BFAR: variants seen among roughly 807,000 people sequenced by gnomAD.
The protein encoded by BFAR is bifunctional apoptosis regulator.
BFAR carries 52 observed loss-of-function variants against 54.4 expected under a neutral mutation model. That is an observed-to-expected ratio of 0.96 (90% CI 0.77 to 1.21). The LOEUF (loss-of-function observed/expected upper bound fraction) is 1.21. BFAR is among the 50% of genes most tolerant of loss of function. BFAR has a pLI of 0.00. For missense variants in BFAR, 571 were observed against 534.0 expected (o/e 1.07, Z -0.68); for synonymous variants, 215 against 204.3 (o/e 1.05, Z -0.45).
chr16:14,664,115 C>T (rs562695863), intron 6 of BFAR, among the ~76,000 whole-genome samples: 2 of 152,116 alleles, frequency 1.3e-5, no homozygotes, highest in African/African-American at 4.8e-5. Context: ...TGGTGGTATA[C>T]ACCTTTAATC....
chr16:14,636,950 G>C (rs898785266), intron 1 of BFAR, among the ~76,000 whole-genome samples: 1 of 152,190 alleles, frequency 6.6e-6, no homozygotes, highest in African/African-American at 2.4e-5. Context: ...GACACAGCAC[G>C]TGTTTCAGAG....
At chr16:14,641,544 C>T (rs1418824812) in intron 1 of BFAR, among the ~76,000 whole-genome samples, 3 of 137,584 alleles carry the variant, frequency 2.2e-5, no homozygotes, top group African/African-American at 7.7e-5. Flanking sequence ...GAGTGAGACT[C>T]CATCTCAAAA....
intron 1 of BFAR, among the ~76,000 whole-genome samples, chr16:14,640,501 A>G (rs1959588254): frequency 6.6e-6 from 1 of 151,922 alleles, no homozygotes; most frequent in Non-Finnish European, 1.5e-5. Context: ...CTAGATTTTT[A>G]TGTCATATCA....
chr16:14,646,355 T>C (rs974729665), intron 2 of BFAR, among the ~76,000 whole-genome samples: 1 of 148,512 alleles, frequency 6.7e-6, no homozygotes, highest in Non-Finnish European at 1.5e-5. Flanking sequence ...GCCTGGTGAA[T>C]GTTTGTATTT....
intron 1 of BFAR, among the ~76,000 whole-genome samples, chr16:14,641,518 T>A (rs1455234716): frequency 6.8e-6 from 1 of 147,692 alleles, no homozygotes; most frequent in Non-Finnish European, 1.5e-5. Flanking sequence ...GCCCCTGCAC[T>A]CCAGCCTGGG....
intron 7 of BFAR, among the ~76,000 whole-genome samples, chr16:14,666,485 C>T (rs1238670536): frequency 6.6e-6 from 1 of 151,932 alleles, no homozygotes; most frequent in Non-Finnish European, 1.5e-5. Flanking sequence ...GCAGGAGGAT[C>T]GCTTGAACTC....
Position 14,632,990 on chromosome 16 carries a change from G to A in BFAR, c.-102G>A, listed in dbSNP as rs1567480523. 1 of 153,072 alleles carries A rather than the reference G, an allele frequency of 6.5e-6. No homozygotes were observed. Among genetic ancestry groups the A allele is most frequent in the African/African-American group, 2.4e-5 (1 of 41,436 alleles). 9.5% of individuals were successfully genotyped at this position (153,072 alleles called of 1,614,324 possible). The stretch of plus-strand genomic sequence containing the variant: ...CCGCGGGGTCTGTGCTGAGAATAAT[G>A]GCCCGGTTGGCCCGGGACGAGTGGA... On this transcript the variant is annotated 5_prime_UTR_variant, in exon 1 of 8. An upstream start codon of the reference 5' UTR is lost. Transcript: ENST00000261658.
In BFAR at chr16:14,655,223, A is replaced by ATTTTTT; in HGVS notation, c.783+26_783+31dup. 3 of 1,174,692 alleles carry ATTTTTT rather than the reference A, an allele frequency of 2.6e-6. No homozygotes were observed. The highest frequency in any genetic ancestry group is 2.2e-6 in the Non-Finnish European group (2 of 912,836). The allele number at this position is 1,174,692 out of a possible 1,614,324, so 72.8% of individuals were successfully genotyped here. On this transcript the variant is annotated intron_variant, in intron 5 of 7. Transcript: ENST00000261658. ...CTGGGAATATAAGGTGAACACTTTA[A>ATTTTTT]TTTTTTTTTTTTTTTTTTACTTTTT...
chr16:14,657,410 G>A (rs889121150), intron 5 of BFAR, among the ~76,000 whole-genome samples: 4 of 151,652 alleles, frequency 2.6e-5, no homozygotes, highest in South Asian at 2.1e-4. Context: ...CACCGTGCCC[G>A]GCTAATTTTT....
chr16:14,643,133 C>A (rs554005419), intron 1 of BFAR, among the ~76,000 whole-genome samples: 5 of 151,994 alleles, frequency 3.3e-5, no homozygotes, highest in African/African-American at 7.2e-5. Flanking sequence ...GCCAACATGG[C>A]GAAAACCCGT....
chr16:14,644,668 CTTTTTT>C (rs376559546), intron 2 of BFAR, 59 bp downstream of exon 2: 8 of 1,331,330 alleles, frequency 6.0e-6, no homozygotes, highest in African/African-American at 1.6e-5. Context: ...TTCTCTCTTG[CTTTTTT>C]TTTTTTTTTT....
At chr16:14,664,601 G>A (rs1383566412) in intron 6 of BFAR, among the ~76,000 whole-genome samples, 1 of 152,044 alleles carries the variant, frequency 6.6e-6, no homozygotes, top group Non-Finnish European at 1.5e-5. Context: ...CCGGGTTCAA[G>A]TGATTCTCTT....
chr16:14,641,534 G>C (rs1158102783), intron 1 of BFAR, among the ~76,000 whole-genome samples: 1 of 145,134 alleles, frequency 6.9e-6, no homozygotes, highest in Non-Finnish European at 1.5e-5. Context: ...CTGGGCGACA[G>C]AGTGAGACTC....
chr16:14,666,383 C>T (rs531237176), intron 7 of BFAR, among the ~76,000 whole-genome samples: 2 of 152,208 alleles, frequency 1.3e-5, no homozygotes, highest in African/African-American at 4.8e-5. Context: ...CCAGCCTGGC[C>T]AACATAGTGA....
At chr16:14,662,128 A>T in intron 6 of BFAR, 63 bp downstream of exon 6, 1 of 1,575,010 alleles carries the variant, frequency 6.3e-7, no homozygotes, top group Non-Finnish European at 8.7e-7. Flanking sequence ...AGAGATTGCT[A>T]CCCACCATGG....
intron 3 of BFAR, among the ~76,000 whole-genome samples, chr16:14,649,101 A>T (rs569019541): frequency 1.4e-5 from 2 of 140,246 alleles, no homozygotes; most frequent in South Asian, 4.5e-4. Flanking sequence ...TTTGAGATGA[A>T]GTCTTGCCCT....
intron 1 of BFAR, among the ~76,000 whole-genome samples, chr16:14,640,382 G>A (rs1056269885): frequency 1.3e-5 from 2 of 152,190 alleles, no homozygotes; most frequent in African/African-American, 2.4e-5. Flanking sequence ...ACGCTGGCAC[G>A]GCTGCTGAGT....
chr16:14,649,367 C>T (rs1462848220), intron 3 of BFAR, among the ~76,000 whole-genome samples: 2 of 152,202 alleles, frequency 1.3e-5, no homozygotes, highest in Non-Finnish European at 2.9e-5. Context: ...TGAGCCACCA[C>T]GCCTGGACCT....
chr16:14,655,643 G>C (rs1960109839), intron 5 of BFAR, among the ~76,000 whole-genome samples: 4 of 151,970 alleles, frequency 2.6e-5, no homozygotes. Context: ...TGTTGGCCAG[G>C]CTGATCTCAA....
Sources: allele counts gnomAD v4.1 joint callset (sites outside exome capture counted in the v4.1 genomes callset), GRCh38; gene constraint gnomAD v4.1.1; transcripts MANE v1.5; gene names NCBI Gene and HGNC (gene_info 2026-07-23, HGNC 2026-07-21).